CEP72: variants seen among roughly 807,000 people sequenced by gnomAD.
CEP72 encodes centrosomal protein 72.
Under a neutral mutation model 65.7 loss-of-function variants are expected in CEP72, and 78 were observed. That is an observed-to-expected ratio of 1.19 (90% confidence interval 0.99 to 1.43). CEP72 has a LOEUF of 1.43. Ranked by LOEUF, CEP72 falls within the 40% of genes most tolerant of loss-of-function variation. The pLI, the probability that CEP72 is intolerant of heterozygous loss-of-function variation, is 0.00. For missense variants in CEP72, 914 were observed against 832.9 expected, an observed-to-expected ratio of 1.10 and a Z score of -1.20; for synonymous variants, 358 against 351.7, an observed-to-expected ratio of 1.02 and a Z score of -0.20.
chr5:633,411 G>A (rs1413638784), intron 4 of CEP72, among the ~76,000 whole-genome samples: 2 of 146,430 alleles, frequency 1.4e-5, no homozygotes, highest in Non-Finnish European at 3.0e-5. Context: ...GTCCTGGTGG[G>A]GTGCTGTCCA....
At chr5:665,143 G>T in intron 2 of CEP72, 1 of 1,613,066 alleles carries the variant, frequency 6.2e-7, no homozygotes, top group Non-Finnish European at 8.5e-7. Flanking sequence ...GTGCCTGCGT[G>T]CTTGTAGCCG....
chr5:638,922 G>A (rs1737807994), intron 7 of CEP72, among the ~76,000 whole-genome samples, 167 bp from the exon 8 acceptor site: 1 of 152,160 alleles, frequency 6.6e-6, no homozygotes, highest in African/African-American at 2.4e-5. Flanking sequence ...AAGCCTCACT[G>A]GGCAGGCACT....
chr5:648,289 TG>T (rs200601716), intron 11 of CEP72, among the ~76,000 whole-genome samples: 1,651 of 97,590 alleles, frequency 0.017, 7 homozygotes, highest in East Asian at 0.033. Flanking sequence ...CTGTGAGGTG[TG>T]GACTGTGAGG....
intron 11 of CEP72, among the ~76,000 whole-genome samples, chr5:652,399 C>T (rs1469049656): frequency 6.6e-6 from 1 of 152,176 alleles, no homozygotes; most frequent in Non-Finnish European, 1.5e-5. Context: ...TGGGCCCTGC[C>T]TTGTCTAATA....
rs559747813 is a variant in CEP72, at chr5:624,907, T to C, written c.512+328T>C. Reference sequence around the variant, plus strand: ...GGCTGCCTCTGCTTCCAGCTCTCGCTTCAGCTACTTTCTTAGCTGCCCATC... The same window carrying C: ...GGCTGCCTCTGCTTCCAGCTCTCGCCTCAGCTACTTTCTTAGCTGCCCATC... On this transcript the variant is annotated intron_variant, in intron 4 of 11. Transcript: ENST00000264935. This position sits in a 1 kb window ranked among gnomAD's most constrained non-coding sequence, Gnocchi z 4.7. Among the ~76,000 whole-genome samples, 1 of 152,348 alleles carries C rather than the reference T, an allele frequency of 6.6e-6. No individual in the cohort carries two copies. The highest frequency in any genetic ancestry group is 1.9e-4 in the East Asian group (1 of 5,188).
At chr5:618,933 TTATTA>T (rs1253868182) in intron 1 of CEP72, 52 bp from the exon 2 acceptor site, 1 of 1,396,930 alleles carries the variant, frequency 7.2e-7, no homozygotes, top group Admixed American at 1.8e-5. Flanking sequence ...AACTTGACCG[TTATTA>T]TAATTGTTTT....
At position 628,424 on chromosome 5, in the gene CEP72, C is replaced by T. The variant is rs868764341; in HGVS notation, c.512+3845C>T. ...TCTGGAGAACTCAGGTCACAGGCCC[C>T]GGGGATTGGCCCCAGGACCCAGCGC... is the stretch of plus-strand genomic sequence containing the variant. On this transcript the variant is annotated intron_variant, in intron 4 of 11. Coordinates refer to ENST00000264935, the MANE Select transcript of CEP72 (RefSeq NM_018140.4). 5.6e-3 allele frequency among the ~76,000 whole-genome samples: 829 copies of T among 147,494 alleles called. 9 individuals carry two copies. The highest frequency in any genetic ancestry group is 0.014 in the African/African-American group (538 of 39,544).
At position 619,092 on chromosome 5, in the gene CEP72, C is replaced by T. The variant is rs370257753; in HGVS notation, c.185C>T (p.Ser62Leu). The change falls in exon 2 of 12, where the codon TCG becomes TTG. Residue 62 changes from serine to leucine, a missense_variant. Coordinates refer to ENST00000264935, the MANE Select transcript of CEP72 (RefSeq NM_018140.4). ...ACAGGTCTGAAATCTTTGGATCTCT[C>T]GCGCAACTCCTTGGTTAGTCTGGAG... is the stretch of plus-strand genomic sequence containing the variant. ...SLTGLKSLDLSRNSLVSLEGI... is the reference protein window; with the variant it reads ...SLTGLKSLDLLRNSLVSLEGI... 5.0e-6 allele frequency: 8 copies of T among 1,613,582 alleles called. No individual in the cohort carries two copies. The highest frequency in any genetic ancestry group is 2.2e-5 in the East Asian group (1 of 44,874).
chr5:642,537 C>T lies in CEP72; in HGVS notation c.1540-1762C>T, dbSNP rs6875328. 0.011 allele frequency: 11,140 copies of T among 985,454 alleles called. 962 individuals carry two copies. The African/African-American group carries it at 0.18, about 16-fold the overall frequency. 61.0% of individuals were successfully genotyped at this position (985,454 alleles called of 1,614,324 possible). A position where few individuals can be genotyped will look rare whatever the true frequency, so the allele number is the denominator to read the frequency against. ...CCTGGGACGAGACAGAGCTGACAGGCGGAGCCCAAAGGTGTGCCGAGCACC... is the reference window on the plus strand; with the variant it reads ...CCTGGGACGAGACAGAGCTGACAGGTGGAGCCCAAAGGTGTGCCGAGCACC... On this transcript the variant is annotated intron_variant, in intron 9 of 11. Coordinates refer to ENST00000264935, the MANE Select transcript of CEP72 (RefSeq NM_018140.4).
At chr5:619,868 C>T (rs1482414443) in intron 2 of CEP72, among the ~76,000 whole-genome samples, 2 of 152,226 alleles carry the variant, frequency 1.3e-5, no homozygotes, top group African/African-American at 2.4e-5. Context: ...CATGTGGGTT[C>T]CATAAACGAC....
intron 4 of CEP72, among the ~76,000 whole-genome samples, chr5:666,523 G>A (rs556612844): frequency 6.6e-6 from 1 of 152,344 alleles, no homozygotes; most frequent in Non-Finnish European, 1.5e-5. Flanking sequence ...GGGGTCCTAG[G>A]TGGAGGTGTC....
chr5:639,277 C>T, intron 8 of CEP72, 53 bp downstream of exon 8: 1 of 1,513,312 alleles, frequency 6.6e-7, no homozygotes, highest in Admixed American at 2.2e-5. Context: ...TGTGTGGGTT[C>T]CGGGGTCCTC....
chr5:672,016 T>C (rs1456843273), downstream of CEP72, among the ~76,000 whole-genome samples: 2 of 152,222 alleles, frequency 1.3e-5, no homozygotes, highest in African/African-American at 4.8e-5. Flanking sequence ...CACACAGTGC[T>C]CTGAGGACCT....
downstream of CEP72, chr5:661,958 G>C (rs1739630862): frequency 6.6e-6 from 1 of 152,004 alleles, no homozygotes; most frequent in African/African-American, 2.4e-5. Flanking sequence ...AGTGTGGAGG[G>C]AGAGTGGGGG....
intron 9 of CEP72, chr5:642,796 C>T: frequency 1.0e-6 from 1 of 985,464 alleles, no homozygotes; most frequent in African/African-American, 1.7e-5. Flanking sequence ...GCCGTGCAGG[C>T]TGGTGGGCAC....
At chr5:613,432 A>G (rs1218066043) in intron 1 of CEP72, among the ~76,000 whole-genome samples, 1 of 151,966 alleles carries the variant, frequency 6.6e-6, no homozygotes, top group Non-Finnish European at 1.5e-5. Flanking sequence ...GTGCAGTGGC[A>G]CAATCTCAGC....
At chr5:649,130 C>G (rs62639484) in intron 11 of CEP72, among the ~76,000 whole-genome samples, 1 of 51,116 alleles carries the variant, frequency 2.0e-5, no homozygotes, top group African/African-American at 7.1e-5. Flanking sequence ...GAATGTGAGG[C>G]GTGACTGTGA....
Position 633,755 on chromosome 5 carries a change from G to A in CEP72, c.513-14G>A, listed in dbSNP as rs1354224472. 1.2e-6 allele frequency: 2 copies of A among 1,613,152 alleles called. No individual in the cohort carries two copies. The highest frequency in any genetic ancestry group is 2.7e-5 in the African/African-American group (2 of 74,934). Reference sequence around the variant, plus strand: ...TGGCTTGAGTGATGCTGATGAGTTTGCTTTTCCTTACAGACCACACCACCC... The same window carrying A: ...TGGCTTGAGTGATGCTGATGAGTTTACTTTTCCTTACAGACCACACCACCC... On this transcript the variant is annotated splice_polypyrimidine_tract_variant and intron_variant, in intron 4 of 11. Transcript: ENST00000264935.
downstream of CEP72, among the ~76,000 whole-genome samples, chr5:657,414 A>G (rs1046206881): frequency 3.9e-5 from 6 of 152,184 alleles, no homozygotes; most frequent in Admixed American, 6.5e-5. Context: ...AAGGATTCGC[A>G]TCTTTACACC....
Sources: allele counts gnomAD v4.1 joint callset (sites outside exome capture counted in the v4.1 genomes callset), GRCh38; gene constraint gnomAD v4.1.1; non-coding constraint Gnocchi (gnomAD v3.1); transcripts MANE v1.5; gene names NCBI Gene and HGNC (gene_info 2026-07-23, HGNC 2026-07-21).